Variants in PHF20L1 observed in about 807,000 individuals in gnomAD.
The protein encoded by PHF20L1 is PHD finger protein 20 like 1.
In PHF20L1, 44 loss-of-function variants were observed where a neutral mutation model predicts 125.5. The ratio of observed to expected loss-of-function variants is 0.35; its 90% CI spans 0.28 to 0.45. The LOEUF (loss-of-function observed/expected upper bound fraction) is 0.45. Ranked by LOEUF, PHF20L1 falls within the 20% of genes least tolerant of loss-of-function variation. The pLI is 1.00. For synonymous variants in PHF20L1, 380 were observed against 403.1 expected (o/e 0.94, Z 0.69); for missense variants, 1,012 against 1,217.2 (o/e 0.83, Z 2.51).
chr8:132,802,930 T>G (rs1292096273), intron 6 of PHF20L1, among the ~76,000 whole-genome samples: 3 of 151,830 alleles, frequency 2.0e-5, no homozygotes, highest in Non-Finnish European at 4.4e-5. Context: ...AGCTTAGTGG[T>G]CTCAGCAGAT....
chr8:132,843,154 A>C (rs1490204003), intron 19 of PHF20L1: 6 of 1,091,686 alleles, frequency 5.5e-6, no homozygotes, highest in Non-Finnish European at 6.7e-6. Context: ...TAAAAAATGA[A>C]CCACATTGTA....
chr8:132,843,213 G>A (rs895118846), intron 19 of PHF20L1: 4 of 1,008,570 alleles, frequency 4.0e-6, no homozygotes, highest in Non-Finnish European at 2.4e-6. Context: ...ACATATGGGT[G>A]TAATGATTTG....
At chr8:132,783,933 AT>A (rs759593910) in intron 2 of PHF20L1, among the ~76,000 whole-genome samples, 3 of 152,182 alleles carry the variant, frequency 2.0e-5, no homozygotes, top group Non-Finnish European at 4.4e-5. Context: ...TTCTGAGATA[AT>A]TTACATTTAG....
intron 20 of PHF20L1, among the ~76,000 whole-genome samples, chr8:132,844,568 C>T: frequency 6.6e-6 from 1 of 151,976 alleles, no homozygotes; most frequent in East Asian, 1.9e-4. Context: ...TGTCTATTTG[C>T]CAGGCTCCAG....
At chr8:132,801,105 T>G (rs1373347116) in intron 6 of PHF20L1, among the ~76,000 whole-genome samples, 1 of 151,764 alleles carries the variant, frequency 6.6e-6, no homozygotes, top group Non-Finnish European at 1.5e-5. Flanking sequence ...ATAAGAGCAG[T>G]AGTAATTACA....
chr8:132,831,330 A>C (rs371375976), intron 14 of PHF20L1, among the ~76,000 whole-genome samples: 1 of 151,472 alleles, frequency 6.6e-6, no homozygotes, highest in African/African-American at 2.4e-5. Context: ...CTTCAGCTTC[A>C]GAGCCTTCCC....
At chr8:132,815,154 G>A (rs1267849362) in intron 10 of PHF20L1, 6 of 268,558 alleles carry the variant, frequency 2.2e-5, no homozygotes, top group Non-Finnish European at 2.8e-5. Context: ...CATAATCCAA[G>A]CATACTGAGA....
intron 19 of PHF20L1, chr8:132,843,687 C>T: frequency 1.0e-6 from 1 of 984,778 alleles, no homozygotes; most frequent in South Asian, 4.7e-5. Context: ...GCCTTTCCCT[C>T]CCTTCATTGA....
chr8:132,785,035 G>C (rs992877547), intron 2 of PHF20L1, among the ~76,000 whole-genome samples: 3 of 152,128 alleles, frequency 2.0e-5, no homozygotes. Flanking sequence ...TTTATAATGA[G>C]GGTAAAGTCC....
Position 132,845,967 on chromosome 8 carries a change from A to C in PHF20L1, c.*44A>C, listed in dbSNP as rs1409777500. 7 of 1,520,088 alleles carry C rather than the reference A, an allele frequency of 4.6e-6. No individual in the cohort carries two copies. Among genetic ancestry groups the C allele is most frequent in the Non-Finnish European group, 5.4e-6 (6 of 1,104,062 alleles). The allele number at this position is 1,520,088 out of a possible 1,614,324, so 94.2% of individuals were successfully genotyped here. On this transcript the variant is annotated 3_prime_UTR_variant, in exon 21 of 21. Transcript: ENST00000395386. The stretch of plus-strand genomic sequence containing the variant: ...GAAAGAATGTGGCTTTCTTCAGTCA[A>C]AGCATTTTTATTATCCACGTGATGG...
chr8:132,811,673 G>C, intron 9 of PHF20L1: 2 of 985,326 alleles, frequency 2.0e-6, no homozygotes, highest in Non-Finnish European at 2.4e-6. Flanking sequence ...GAATTTAAAA[G>C]TGAAGGTTGC....
intron 19 of PHF20L1, chr8:132,843,216 A>G: frequency 9.9e-7 from 1 of 1,009,182 alleles, no homozygotes; most frequent in Non-Finnish European, 1.2e-6. Context: ...TATGGGTGTA[A>G]TGATTTGTCT....
rs1486706045 is a variant in PHF20L1 at position 132,803,983 on chromosome 8, A to G, written c.672A>G (p.Thr224=). The part of the protein sequence containing the change: ...KKEETSTCIA[T]PDVEKKEDLP... ...AGGAAACTTCAACTTGTATAGCCAC[A>G]CCAGACGTAGAGAAGAAGGAAGATC... is the stretch of plus-strand genomic sequence containing the variant. The change falls in exon 7 of 21, where the codon ACA becomes ACG. Residue 224 remains threonine (T), a synonymous_variant. Transcript: ENST00000395386. The G allele has an allele frequency of 1.2e-6, 2 of 1,612,280 alleles. No individual in the cohort carries two copies. The highest frequency in any genetic ancestry group is 3.3e-5 in the Admixed American group (2 of 59,900).
chr8:132,835,956 T>C (rs1837308749), intron 15 of PHF20L1, among the ~76,000 whole-genome samples: 1 of 152,154 alleles, frequency 6.6e-6, no homozygotes, highest in Non-Finnish European at 1.5e-5. Context: ...TGAAGTTGTT[T>C]ATAGTATGAA....
intron 2 of PHF20L1, among the ~76,000 whole-genome samples, chr8:132,793,580 T>TA (rs1192585866): frequency 4.6e-5 from 7 of 152,012 alleles, no homozygotes; most frequent in Admixed American, 1.3e-4. Flanking sequence ...AATCATACTT[T>TA]AAAAAAAATT....
chr8:132,841,318 C>G (rs1467163028), intron 18 of PHF20L1, among the ~76,000 whole-genome samples: 1 of 152,054 alleles, frequency 6.6e-6, no homozygotes, highest in Non-Finnish European at 1.5e-5. Flanking sequence ...TCAGGCTTCT[C>G]TATGGCACAG....
intron 2 of PHF20L1, among the ~76,000 whole-genome samples, chr8:132,793,165 T>G (rs911195432): frequency 2.6e-5 from 4 of 152,040 alleles, no homozygotes; most frequent in African/African-American, 9.7e-5. Context: ...TGCAGTGATT[T>G]GTATACAAAG....
chr8:132,826,719 G>C (rs760624020), intron 14 of PHF20L1: 3 of 151,966 alleles, frequency 2.0e-5, no homozygotes, highest in Non-Finnish European at 4.4e-5. Context: ...TCTAAGGTGG[G>C]GAAGGGCCAT....
intron 2 of PHF20L1, among the ~76,000 whole-genome samples, chr8:132,781,710 C>T (rs938120364): frequency 1.1e-4 from 16 of 152,182 alleles, no homozygotes; most frequent in Non-Finnish European, 1.6e-4. Flanking sequence ...GGATTACAGG[C>T]GTGAGCCACT....
Sources: gnomAD v4.1 joint callset for allele counts (sites outside exome capture counted in the v4.1 genomes callset) on GRCh38, gnomAD v4.1.1 for gene constraint, MANE v1.5 for transcripts, NCBI Gene and HGNC (gene_info 2026-07-23, HGNC 2026-07-21) for gene names.